Variants in CAMK4 observed in about 807,000 individuals in gnomAD.
CAMK4 encodes calcium/calmodulin-dependent protein kinase type IV.
In CAMK4, 22 loss-of-function variants were observed where a neutral mutation model predicts 44.9. The ratio of observed to expected loss-of-function variants is 0.49; its 90% CI spans 0.35 to 0.70. The LOEUF (loss-of-function observed/expected upper bound fraction) is 0.70. Among genes scored for constraint, CAMK4 ranks in the 30% least tolerant of loss-of-function variants. CAMK4 has a pLI of 0.01. For synonymous variants in CAMK4, 218 were observed against 215.4 expected, an observed-to-expected ratio of 1.01 and a Z score of -0.11; for missense variants, 498 against 586.8, an observed-to-expected ratio of 0.85 and a Z score of 1.56.
chr5:111,248,098 A>G (rs1470382304), intron 1 of CAMK4, among the ~76,000 whole-genome samples: 2 of 151,888 alleles, frequency 1.3e-5, no homozygotes, highest in Admixed American at 1.3e-4. Context: ...ATTCGGTTCT[A>G]TTTTACTTGT....
chr5:111,230,005 G>T (rs1043768520), intron 1 of CAMK4, among the ~76,000 whole-genome samples: 1 of 152,128 alleles, frequency 6.6e-6, no homozygotes, highest in African/African-American at 2.4e-5. Flanking sequence ...TTTAAAGAGG[G>T]TGAATCAATG....
intron 9 of CAMK4, chr5:111,481,960 A>G (rs1230823728): frequency 2.0e-5 from 3 of 152,220 alleles, no homozygotes; most frequent in East Asian, 3.8e-4. Context: ...CAGGCAATTT[A>G]TATATTTGTC....
intron 1 of CAMK4, among the ~76,000 whole-genome samples, chr5:111,300,592 A>G (rs1747680127): frequency 6.6e-6 from 1 of 152,232 alleles, no homozygotes; most frequent in Non-Finnish European, 1.5e-5. Flanking sequence ...TGTCATGGAT[A>G]AGTAGCTGAA....
chr5:111,294,129 A>G lies in CAMK4; in HGVS notation c.162-49895A>G, dbSNP rs992546230. On this transcript the variant is annotated intron_variant, in intron 1 of 10. Coordinates refer to ENST00000282356, the MANE Select transcript of CAMK4 (RefSeq NM_001744.6). ...TATATATCCATTTATTCACTCACCC[A>G]TTCATTTGCTAATATATTCAAATGA... 8.5e-5 allele frequency among the ~76,000 whole-genome samples: 13 copies of G among 152,186 alleles called. 1 individual carries two copies. The highest frequency in any genetic ancestry group is 3.1e-4 in the African/African-American group (13 of 41,446).
intron 1 of CAMK4, among the ~76,000 whole-genome samples, chr5:111,334,681 C>A (rs1392830401): frequency 6.6e-6 from 1 of 151,488 alleles, no homozygotes; most frequent in African/African-American, 2.4e-5. Context: ...ATTATATTTT[C>A]AACCTATGAT....
rs1447662434 is a variant in CAMK4 at position 111,494,498 on chromosome 5, G to GTGAC, written c.*10037_*10040dup. On this transcript the variant is annotated 3_prime_UTR_variant, in exon 11 of 11. Coordinates refer to ENST00000282356, the MANE Select transcript of CAMK4 (RefSeq NM_001744.6). The stretch of plus-strand genomic sequence containing the variant: ...AGAGCTACAGTATTCTTCAATGGTG[G>GTGAC]TGACTGACCAGTGAGTTTCTACTTC... 1 of 152,080 alleles carries GTGAC rather than the reference G, an allele frequency of 6.6e-6. No individual in the cohort carries two copies. The highest frequency in any genetic ancestry group is 1.5e-5 in the Non-Finnish European group (1 of 68,020). The allele number at this position is 152,080 out of a possible 1,614,324, so 9.4% of individuals were successfully genotyped here. A position where few individuals can be genotyped will look rare whatever the true frequency, so the allele number is the denominator to read the frequency against.
intron 4 of CAMK4, among the ~76,000 whole-genome samples, chr5:111,393,983 G>A (rs768899626): frequency 1.3e-5 from 2 of 151,352 alleles, no homozygotes; most frequent in African/African-American, 2.4e-5. Context: ...GATGGAGAAG[G>A]GATGAAAGGG....
intron 5 of CAMK4, 109 bp from the exon 6 acceptor site, chr5:111,446,577 T>A: frequency 1.6e-6 from 1 of 635,134 alleles, no homozygotes; most frequent in Non-Finnish European, 2.8e-6. Context: ...TAAGTCATAC[T>A]ATGTGTGTTC....
chr5:111,232,881 AG>A (rs1468793855), intron 1 of CAMK4, among the ~76,000 whole-genome samples: 1 of 152,168 alleles, frequency 6.6e-6, no homozygotes, highest in Non-Finnish European at 1.5e-5. Flanking sequence ...AAAAAGAGAC[AG>A]TAAGTATTTT....
At chr5:111,289,342 C>T (rs919834384) in intron 1 of CAMK4, among the ~76,000 whole-genome samples, 15 of 151,954 alleles carry the variant, frequency 9.9e-5, no homozygotes, top group Admixed American at 6.6e-4. Flanking sequence ...AGTGAGACTC[C>T]GTCTCAAAAA....
chr5:111,284,638 G>A (rs78525389), intron 1 of CAMK4, among the ~76,000 whole-genome samples: 5 of 152,204 alleles, frequency 3.3e-5, no homozygotes, highest in Non-Finnish European at 7.4e-5. Flanking sequence ...CTGGAGCACA[G>A]CAGAACTGTT....
In CAMK4 at chr5:111,491,404, G is replaced by T. The variant is rs1305882420; in HGVS notation, c.*6938G>T. ...CCCAATGCCTTTTTGGTGACTTGCA[G>T]GAATACAGATTCCTATATTCCAGTT... On this transcript the variant is annotated 3_prime_UTR_variant, in exon 11 of 11. Transcript: ENST00000282356. The T allele has an allele frequency of 6.6e-6, 1 of 151,806 alleles. No individual in the cohort carries two copies. Among genetic ancestry groups the T allele is most frequent in the Non-Finnish European group, 1.5e-5 (1 of 67,974 alleles). The allele number at this position is 151,806 out of a possible 1,614,324, so 9.4% of individuals were successfully genotyped here.
At chr5:111,425,493 T>G (rs1267396261) in intron 5 of CAMK4, among the ~76,000 whole-genome samples, 5 of 152,174 alleles carry the variant, frequency 3.3e-5, no homozygotes, top group Non-Finnish European at 5.9e-5. Flanking sequence ...AGATCCTTTT[T>G]CCTTTGAATT....
At chr5:111,294,588 A>G (rs2112632516) in intron 1 of CAMK4, among the ~76,000 whole-genome samples, 1 of 152,256 alleles carries the variant, frequency 6.6e-6, no homozygotes, top group East Asian at 1.9e-4. Context: ...AGATGGTGAT[A>G]TCTTATAAAT....
At position 111,390,335 on chromosome 5, in the gene CAMK4, T is replaced by A. The variant is rs188133779; in HGVS notation, c.387-4375T>A. 7.2e-3 allele frequency among the ~76,000 whole-genome samples: 1,098 copies of A among 152,284 alleles called. 6 individuals carry two copies. Among genetic ancestry groups the A allele is most frequent in the African/African-American group, 0.022 (902 of 41,578 alleles). ...AAAAACTATAATCATTGAGGTTTTT[T>A]GATATATTTTATACTTTTGACATAT... On this transcript the variant is annotated intron_variant, in intron 4 of 10. Transcript: ENST00000282356.
intron 1 of CAMK4, among the ~76,000 whole-genome samples, chr5:111,248,691 T>A (rs1749348113): frequency 6.6e-6 from 1 of 152,208 alleles, no homozygotes; most frequent in Non-Finnish European, 1.5e-5. Flanking sequence ...ACCACTTAAA[T>A]CCCTTCTTAT....
Position 111,433,858 on chromosome 5 carries a change from T to A in CAMK4, c.460-12828T>A, listed in dbSNP as rs1025697308. ...ACAAATTTTGAAGGGCCTTTAATTCTTATAATGGAGAAATTAGACTTAAGC... is the reference window on the plus strand; with the variant it reads ...ACAAATTTTGAAGGGCCTTTAATTCATATAATGGAGAAATTAGACTTAAGC... On this transcript the variant is annotated intron_variant, in intron 5 of 10. Coordinates refer to ENST00000282356, the MANE Select transcript of CAMK4 (RefSeq NM_001744.6). Among the ~76,000 whole-genome samples, 8 of 152,286 alleles carry A rather than the reference T, an allele frequency of 5.3e-5. No homozygotes were observed. In the East Asian group the frequency reaches 1.4e-3, roughly 26 times the overall value.
rs963787990 is a variant in CAMK4 at position 111,245,414 on chromosome 5, A to T, written c.161+20770A>T. 2.6e-5 allele frequency among the ~76,000 whole-genome samples: 4 copies of T among 152,188 alleles called. No individual in the cohort carries two copies. In the South Asian group the frequency reaches 6.2e-4, roughly 24 times the overall value. The stretch of plus-strand genomic sequence containing the variant: ...ATTATTGGTAAAAGGGAAAATTGCA[A>T]GTGTTGTCTTTTATTCACATGCCTA... On this transcript the variant is annotated intron_variant, in intron 1 of 10. Transcript: ENST00000282356.
rs139123530 is a variant in CAMK4 at position 111,347,265 on chromosome 5, G to T, written c.240+3163G>T. ...GACAGTAGTCAGCATTCACTTCTTAGTTCCTCCTTATCTGAGGTCTACATG... is the reference window on the plus strand; with the variant it reads ...GACAGTAGTCAGCATTCACTTCTTATTTCCTCCTTATCTGAGGTCTACATG... On this transcript the variant is annotated intron_variant, in intron 2 of 10. Transcript: ENST00000282356. Among the ~76,000 whole-genome samples the T allele has an allele frequency of 3.7e-3, 570 of 152,082 alleles. 6 individuals carry two copies. Among genetic ancestry groups the T allele is most frequent in the African/African-American group, 0.012 (515 of 41,522 alleles).
Sources: gnomAD v4.1 joint callset for allele counts (sites outside exome capture counted in the v4.1 genomes callset) on GRCh38, gnomAD v4.1.1 for gene constraint, MANE v1.5 for transcripts, NCBI Gene and HGNC (gene_info 2026-07-23, HGNC 2026-07-21) for gene names.